STK3: variants seen among roughly 807,000 people sequenced by gnomAD.
STK3 encodes the protein serine/threonine kinase 3.
STK3 carries 41 observed loss-of-function variants against 58.0 expected under a neutral mutation model. The observed-to-expected ratio is 0.71, with a 90% CI of 0.55 to 0.92. The LOEUF (loss-of-function observed/expected upper bound fraction) is 0.92. Ranked by LOEUF, STK3 falls within the 40% of genes least tolerant of loss-of-function variation. The pLI is 0.00. For synonymous variants in STK3, 170 were observed against 191.0 expected, an observed-to-expected ratio of 0.89 and a Z score of 0.91; for missense variants, 479 against 602.7, an observed-to-expected ratio of 0.79 and a Z score of 2.15.
At chr8:98,760,536 C>T (rs764505227) in intron 3 of STK3, among the ~76,000 whole-genome samples, 1 of 152,156 alleles carries the variant, frequency 6.6e-6, no homozygotes, top group Non-Finnish European at 1.5e-5. Flanking sequence ...ACAGACTACA[C>T]CAGGAAGCAG....
intron 6 of STK3, among the ~76,000 whole-genome samples, chr8:98,693,331 G>A (rs924650019): frequency 2.0e-5 from 3 of 152,008 alleles, no homozygotes; most frequent in Non-Finnish European, 2.9e-5. Flanking sequence ...CCAGGAATTC[G>A]AGGCTGCAAT....
At chr8:98,892,421 C>T (rs1341813152) in intron 1 of STK3, among the ~76,000 whole-genome samples, 2 of 152,176 alleles carry the variant, frequency 1.3e-5, no homozygotes, top group Non-Finnish European at 2.9e-5. Context: ...CAGATTAAAA[C>T]CATTAGCTGG....
intron 6 of STK3, among the ~76,000 whole-genome samples, chr8:98,700,680 G>C (rs1431629407): frequency 1.3e-5 from 2 of 152,076 alleles, no homozygotes; most frequent in African/African-American, 4.8e-5. Context: ...TTTTTTTAAA[G>C]TTATAAACAT....
At chr8:98,843,759 G>A (rs935359173) in intron 3 of STK3, among the ~76,000 whole-genome samples, 10 of 152,236 alleles carry the variant, frequency 6.6e-5, no homozygotes, top group African/African-American at 1.2e-4. Context: ...GCTCACGCCT[G>A]TAATCCCAGC....
At chr8:98,666,903 T>A (rs1275435802) in intron 6 of STK3, among the ~76,000 whole-genome samples, 3 of 152,156 alleles carry the variant, frequency 2.0e-5, no homozygotes, top group Non-Finnish European at 4.4e-5. Context: ...TACCTCTCTC[T>A]CACAGGAGTC....
intron 3 of STK3, among the ~76,000 whole-genome samples, chr8:98,835,866 C>G (rs1005797800): frequency 1.3e-5 from 2 of 152,150 alleles, no homozygotes; most frequent in African/African-American, 4.8e-5. Flanking sequence ...TTAGTCAGTT[C>G]AGGCTGCTAT....
chr8:98,769,923 G>A (rs1376310966), intron 2 of STK3, among the ~76,000 whole-genome samples: 1 of 152,142 alleles, frequency 6.6e-6, no homozygotes, highest in Non-Finnish European at 1.5e-5. Context: ...TGAGATTTCT[G>A]AAAAACAAAC....
chr8:98,374,453 C>A (rs1319917053), intron 2 of STK3, among the ~76,000 whole-genome samples: 1 of 152,226 alleles, frequency 6.6e-6, no homozygotes, highest in African/African-American at 2.4e-5. Context: ...ACCAGATAAG[C>A]CAGGCAGTCT....
chr8:98,922,766 T>C (rs1403158255), intron 1 of STK3, among the ~76,000 whole-genome samples: 1 of 152,250 alleles, frequency 6.6e-6, no homozygotes, highest in East Asian at 1.9e-4. Flanking sequence ...TACAAACTAT[T>C]GTAATTCTTG....
chr8:98,634,100 G>T (rs1819453932), intron 6 of STK3, among the ~76,000 whole-genome samples: 1 of 152,176 alleles, frequency 6.6e-6, no homozygotes, highest in African/African-American at 2.4e-5. Flanking sequence ...TACAGAGATG[G>T]GAACTGGTGA....
intron 8 of STK3, among the ~76,000 whole-genome samples, chr8:98,552,574 T>C (rs923150444): frequency 2.6e-5 from 4 of 152,156 alleles, no homozygotes; most frequent in Non-Finnish European, 5.9e-5. Context: ...TGCTCATCCA[T>C]AAATCAGTTT....
intron 1 of STK3, among the ~76,000 whole-genome samples, chr8:98,926,699 G>T (rs1189450497): frequency 6.6e-6 from 1 of 152,198 alleles, no homozygotes; most frequent in African/African-American, 2.4e-5. Context: ...AGGCCGTTAA[G>T]AAATAAGGCA....
chr8:98,509,009 T>C (rs974305560), intron 10 of STK3, among the ~76,000 whole-genome samples: 2 of 152,100 alleles, frequency 1.3e-5, no homozygotes, highest in Non-Finnish European at 2.9e-5. Flanking sequence ...TTTTCAAAAC[T>C]CGACCCACAT....
At chr8:98,706,083 T>C (rs1825943885) in intron 6 of STK3, among the ~76,000 whole-genome samples, 1 of 149,752 alleles carries the variant, frequency 6.7e-6, no homozygotes, top group Non-Finnish European at 1.5e-5. Flanking sequence ...CAGTAAGGTA[T>C]AAATCACAGA....
At position 98,866,263 on chromosome 8, in the gene STK3, A is replaced by C. The variant is rs138923879; in HGVS notation, c.110+17384T>G. Among the ~76,000 whole-genome samples, 939 of 152,338 alleles carry C rather than the reference A, an allele frequency of 6.2e-3. 14 individuals are homozygous for C. The highest frequency in any genetic ancestry group is 0.022 in the African/African-American group (897 of 41,574). ...GTAGTGGCCTTACATCATCAACAAT[A>C]AACATTCGCTGAAAGCCTCTTATGT... On this transcript the variant is annotated intron_variant, in intron 3 of 12. Coordinates refer to the STK3 transcript ENST00000523601.
chr8:98,861,450 C>A (rs1325066348), intron 3 of STK3, among the ~76,000 whole-genome samples: 1 of 147,254 alleles, frequency 6.8e-6, no homozygotes, highest in Non-Finnish European at 1.5e-5. Flanking sequence ...CAGGTTCAAG[C>A]AATTCTCCTG....
chr8:98,926,474 G>A (rs942647799), intron 1 of STK3, among the ~76,000 whole-genome samples: 51 of 152,146 alleles, frequency 3.4e-4, no homozygotes, highest in African/African-American at 1.2e-3. Context: ...ATCATACCCC[G>A]TGATGCCCCC....
chr8:98,658,102 CAAT>C (rs1178971667), intron 6 of STK3, among the ~76,000 whole-genome samples: 2 of 151,986 alleles, frequency 1.3e-5, no homozygotes, highest in Non-Finnish European at 2.9e-5. Context: ...CAGTATATCT[CAAT>C]AAAGCTGCTG....
chr8:98,616,890 T>C (rs1817779229), intron 6 of STK3, among the ~76,000 whole-genome samples: 1 of 151,718 alleles, frequency 6.6e-6, no homozygotes, highest in Admixed American at 6.6e-5. Flanking sequence ...ACTGTCAACA[T>C]TAGACAGATC....
Sources: gnomAD v4.1 joint callset for allele counts (sites outside exome capture counted in the v4.1 genomes callset) on GRCh38, gnomAD v4.1.1 for gene constraint, MANE v1.5 for transcripts, NCBI Gene and HGNC (gene_info 2026-07-23, HGNC 2026-07-21) for gene names.